The following VWA3B variants were observed in gnomAD, a reference collection of about 807,000 sequenced individuals.
The protein encoded by VWA3B is von Willebrand factor A domain-containing protein 3B.
Under a neutral mutation model 158.3 loss-of-function variants are expected in VWA3B, and 138 were observed. The ratio of observed to expected loss-of-function variants is 0.87; its 90% CI spans 0.76 to 1.00. VWA3B has a LOEUF of 1.00. Among genes scored for constraint, VWA3B ranks in the 50% least tolerant of loss-of-function variants. The probability of loss-of-function intolerance (pLI) is 0.00; values close to 1 mark genes in which losing one functional copy is unlikely to be tolerated. For missense variants in VWA3B, 1,555 were observed against 1,565.1 expected (o/e 0.99, Z 0.11); for synonymous variants, 596 against 587.3 (o/e 1.01, Z -0.21).
chr2:98,156,643 A>G (rs1258900089), intron 7 of VWA3B, among the ~76,000 whole-genome samples: 1 of 149,442 alleles, frequency 6.7e-6, no homozygotes, highest in Non-Finnish European at 1.5e-5. Context: ...CTTTTCTTGG[A>G]TGGAAAAACT....
chr2:98,118,676 G>A (rs1674714000), intron 3 of VWA3B, among the ~76,000 whole-genome samples: 1 of 152,066 alleles, frequency 6.6e-6, no homozygotes. Context: ...AGCCAGCAAC[G>A]GCTACCCTCT....
intron 8 of VWA3B, among the ~76,000 whole-genome samples, chr2:98,163,569 CA>C (rs1019540233): frequency 2.0e-5 from 3 of 152,106 alleles, no homozygotes; most frequent in Non-Finnish European, 4.4e-5. Flanking sequence ...ATAACAATAA[CA>C]AAACAGATTC....
intron 12 of VWA3B, among the ~76,000 whole-genome samples, chr2:98,196,925 A>G (rs1217120350): frequency 1.3e-5 from 2 of 152,198 alleles, no homozygotes; most frequent in Admixed American, 1.3e-4. Context: ...GCTTTCTCCA[A>G]TGTTCACCTC....
chr2:98,102,718 T>C (rs1479196743), intron 2 of VWA3B, among the ~76,000 whole-genome samples: 1 of 152,228 alleles, frequency 6.6e-6, no homozygotes, highest in Admixed American at 6.5e-5. Flanking sequence ...GGTTTCAGCA[T>C]CAAGATTATG....
rs1040220933 is a variant in VWA3B at position 98,125,075 on chromosome 2, C to T, written c.703-3164C>T. On this transcript the variant is annotated intron_variant, in intron 5 of 27. Transcript: ENST00000477737. The surrounding 1 kb of genome is among the most constrained non-coding windows in gnomAD (Gnocchi z 4.1). ...AATGTGGTCGGTGAGGAAGCTACTC[C>T]TGGACTGAAGGCTGCTACTGAGCCT... Among the ~76,000 whole-genome samples the T allele has an allele frequency of 3.9e-5, 6 of 152,212 alleles. No individual in the cohort carries two copies. The highest frequency in any genetic ancestry group is 1.4e-4 in the African/African-American group (6 of 41,450).
At chr2:98,088,637 T>C (rs1682037000) in intron 1 of VWA3B, among the ~76,000 whole-genome samples, 1 of 152,240 alleles carries the variant, frequency 6.6e-6, no homozygotes, top group Non-Finnish European at 1.5e-5. Context: ...CGGTATGTTG[T>C]TGTTTCCGAC....
chr2:98,290,103 A>T (rs1689396968), intron 22 of VWA3B, among the ~76,000 whole-genome samples: 1 of 152,244 alleles, frequency 6.6e-6, no homozygotes, highest in African/African-American at 2.4e-5. Context: ...TGGGTAATTT[A>T]TGAAGAAAAT....
At chr2:98,268,574 A>T (rs2105878775) in intron 21 of VWA3B, among the ~76,000 whole-genome samples, 1 of 151,210 alleles carries the variant, frequency 6.6e-6, no homozygotes, top group South Asian at 2.1e-4. Context: ...TTCATGCATC[A>T]CTTTTCTGAG....
intron 5 of VWA3B, among the ~76,000 whole-genome samples, chr2:98,121,774 A>G (rs1216535528): frequency 6.6e-6 from 1 of 151,900 alleles, no homozygotes; most frequent in African/African-American, 2.4e-5. Flanking sequence ...GACAGGAGTG[A>G]GGCCATAGTT....
At position 98,111,014 on chromosome 2, in the gene VWA3B, G is replaced by A. The variant is rs977505457; in HGVS notation, c.197-4638G>A. 5.9e-5 allele frequency among the ~76,000 whole-genome samples: 9 copies of A among 152,202 alleles called. No homozygotes were observed. In the South Asian group the frequency reaches 1.0e-3, roughly 18 times the overall value. ...ATTGTGAGGGCTCCCCAGCCACATG[G>A]GACTGTAAGTCCATTAAACCTCTTT... On this transcript the variant is annotated intron_variant, in intron 2 of 27. Coordinates refer to ENST00000477737, the MANE Select transcript of VWA3B (RefSeq NM_144992.5).
At chr2:98,217,816 T>C in intron 13 of VWA3B, 30 bp from the exon 14 acceptor site, 1 of 1,539,490 alleles carries the variant, frequency 6.5e-7, no homozygotes, top group Non-Finnish European at 8.7e-7. Flanking sequence ...TCCATCTCCC[T>C]TCCCCCATCC....
Position 98,187,990 on chromosome 2 carries a change from A to G in VWA3B, c.1327A>G (p.Thr443Ala), listed in dbSNP as rs1365792317. The G allele has an allele frequency of 7.4e-6, 12 of 1,612,928 alleles. No homozygotes were observed. The highest frequency in any genetic ancestry group is 6.7e-5 in the African/African-American group (5 of 74,848). Residue 443 changes from threonine to alanine, a missense_variant, in exon 10 of 28, where the codon ACA becomes GCA. Physicochemically the swap from Thr to Ala is moderately conservative, Grantham distance 58. Transcript: ENST00000477737. ...VQTSAETNKK[T>A]VHAKYCSRFV... ...ATCTCCTTAGGAGACGAACAAGAAGACAGTCCATGCAAAATATTGCAGCAG... is the reference window on the plus strand; with the variant it reads ...ATCTCCTTAGGAGACGAACAAGAAGGCAGTCCATGCAAAATATTGCAGCAG...
intron 8 of VWA3B, among the ~76,000 whole-genome samples, chr2:98,167,519 G>A (rs1679186995): frequency 1.3e-5 from 2 of 152,164 alleles, no homozygotes; most frequent in South Asian, 2.1e-4. Context: ...AGGCCCTGGC[G>A]CACAGAGGAG....
At position 98,276,703 on chromosome 2, in the gene VWA3B, G is replaced by A. The variant is rs184541122; in HGVS notation, c.3045+5820G>A. On this transcript the variant is annotated intron_variant, in intron 22 of 27. Coordinates refer to ENST00000477737, the MANE Select transcript of VWA3B (RefSeq NM_144992.5). ...GTGTCCAGAGGGCTGTGGCCACTGC[G>A]TTTGGAGTGGGCTGCCCATGTGTGT... Among the ~76,000 whole-genome samples the A allele has an allele frequency of 1.9e-3, 281 of 145,592 alleles. 4 individuals are homozygous for A. In the East Asian group the frequency reaches 0.047, roughly 24 times the overall value.
intron 1 of VWA3B, among the ~76,000 whole-genome samples, chr2:98,091,941 GC>G (rs1682322854): frequency 6.6e-6 from 1 of 152,148 alleles, no homozygotes; most frequent in South Asian, 2.1e-4. Context: ...TTATAGTTTG[GC>G]CCCATCCTTT....
At chr2:98,283,052 A>G (rs1688975840) in intron 22 of VWA3B, among the ~76,000 whole-genome samples, 1 of 152,200 alleles carries the variant, frequency 6.6e-6, no homozygotes. Flanking sequence ...ATACCTTTAA[A>G]CCCATTCTGA....
intron 7 of VWA3B, among the ~76,000 whole-genome samples, chr2:98,150,093 A>G (rs565315245): frequency 5.3e-5 from 8 of 152,332 alleles, no homozygotes; most frequent in South Asian, 2.1e-4. Context: ...CCTTATATCA[A>G]TGCTTCTTCT....
chr2:98,181,049 A>T lies in VWA3B; in HGVS notation c.1148A>T (p.Asn383Ile). ...ACAACCTCTGTTGAGATTGCATCGA[A>T]TCCAGAAGACACCTGGGACTCTAAG... ...SETTSVEIASNPEDTWDSKTW... is the reference protein window; with the variant it reads ...SETTSVEIASIPEDTWDSKTW... The change falls in exon 9 of 28, where the codon AAT (asparagine) becomes ATT (isoleucine). Residue 383 changes from asparagine to isoleucine, a missense_variant. Coordinates refer to ENST00000477737, the MANE Select transcript of VWA3B (RefSeq NM_144992.5). 1 of 1,614,234 alleles carries T rather than the reference A, an allele frequency of 6.2e-7. No homozygotes were observed. The highest frequency in any genetic ancestry group is 8.5e-7 in the Non-Finnish European group (1 of 1,180,040).
chr2:98,266,455 A>G (rs1687833491), intron 21 of VWA3B, among the ~76,000 whole-genome samples: 1 of 151,686 alleles, frequency 6.6e-6, no homozygotes, highest in African/African-American at 2.4e-5. Flanking sequence ...GTAGCCTTGC[A>G]GTATAGTTTG....
Sources: gnomAD v4.1 joint callset for allele counts (sites outside exome capture counted in the v4.1 genomes callset) on GRCh38, gnomAD v4.1.1 for gene constraint, Gnocchi (gnomAD v3.1) non-coding constraint, MANE v1.5 for transcripts, NCBI Gene and HGNC (gene_info 2026-07-23, HGNC 2026-07-21) for gene names.